The following RBFOX1 variants were observed in gnomAD, a reference collection of about 807,000 sequenced individuals.
The protein encoded by RBFOX1 is RNA binding protein fox-1 homolog 1.
A neutral mutation model predicts 57.7 loss-of-function variants in RBFOX1; 8 were observed. The observed-to-expected ratio is 0.14, with a 90% confidence interval of 0.08 to 0.25. The LOEUF (loss-of-function observed/expected upper bound fraction) is 0.25. Among genes scored for constraint, RBFOX1 ranks in the 10% least tolerant of loss-of-function variants. The pLI, the probability that RBFOX1 is intolerant of heterozygous loss-of-function variation, is 1.00. For missense variants in RBFOX1, 611 were observed against 548.5 expected, an observed-to-expected ratio of 1.11 and a Z score of -1.14; for synonymous variants, 326 against 222.4, an observed-to-expected ratio of 1.47 and a Z score of -4.15.
At chr16:5,272,632 A>T (rs964949399) in intron 1 of RBFOX1, among the ~76,000 whole-genome samples, 1 of 152,192 alleles carries the variant, frequency 6.6e-6, no homozygotes. Context: ...CAACACTTAC[A>T]GCAAGAATTA....
At chr16:7,708,611 C>T (rs1225936630) in intron 14 of RBFOX1, among the ~76,000 whole-genome samples, 1 of 152,182 alleles carries the variant, frequency 6.6e-6, no homozygotes, top group Non-Finnish European at 1.5e-5. Context: ...AGGTTCACTT[C>T]ACCCTTTCTG....
intron 3 of RBFOX1, among the ~76,000 whole-genome samples, chr16:6,864,958 A>G (rs2059641318): frequency 6.7e-6 from 1 of 150,168 alleles, no homozygotes; most frequent in African/African-American, 2.5e-5. Flanking sequence ...CCTGTTCCTC[A>G]ATCCCAGTGC....
chr16:7,203,920 C>T (rs1467809317), intron 4 of RBFOX1, among the ~76,000 whole-genome samples: 4 of 152,222 alleles, frequency 2.6e-5, no homozygotes, highest in South Asian at 2.1e-4. Flanking sequence ...GACAGGTGCA[C>T]ATTTACATAT....
chr16:5,972,304 C>T (rs1239920668), intron 4 of RBFOX1, among the ~76,000 whole-genome samples: 2 of 152,172 alleles, frequency 1.3e-5, no homozygotes, highest in Non-Finnish European at 2.9e-5. Context: ...ATGTTATTTC[C>T]ATAGGCTACA....
intron 2 of RBFOX1, among the ~76,000 whole-genome samples, chr16:5,551,218 A>C (rs2045451398): frequency 6.6e-6 from 1 of 152,292 alleles, no homozygotes; most frequent in African/African-American, 2.4e-5. Context: ...TCCAGCAAGC[A>C]CTTTCCTTCC....
At chr16:6,995,960 C>G (rs549042393) in intron 3 of RBFOX1, among the ~76,000 whole-genome samples, 3 of 152,282 alleles carry the variant, frequency 2.0e-5, no homozygotes, top group South Asian at 2.1e-4. Flanking sequence ...CTGAAACTTT[C>G]TAGTCCCTAA....
At chr16:6,779,741 T>A (rs202223885) in intron 3 of RBFOX1, among the ~76,000 whole-genome samples, 8 of 45,216 alleles carry the variant, frequency 1.8e-4, no homozygotes, top group African/African-American at 5.7e-4. Flanking sequence ...TTTTATATAT[T>A]TTTATATATA....
chr16:7,310,417 G>A (rs572311601), intron 4 of RBFOX1, among the ~76,000 whole-genome samples: 2 of 152,314 alleles, frequency 1.3e-5, no homozygotes, highest in Admixed American at 1.3e-4. Flanking sequence ...TGGAACCAGG[G>A]TTGGTGGGGA....
rs201092743 is a variant in RBFOX1, at chr16:7,298,285, G to GTTTTTTTTTTTT, written c.28-219852_28-219841dup. Among the ~76,000 whole-genome samples the GTTTTTTTTTTTT allele has an allele frequency of 2.3e-3, 221 of 96,498 alleles. 1 individual carries two copies. The highest frequency in any genetic ancestry group is 9.4e-3 in the Middle Eastern group (1 of 106). The allele number at this position is 96,498 out of a possible 152,430, so 63.3% of individuals were successfully genotyped here. A position where few individuals can be genotyped will look rare whatever the true frequency, so the allele number is the denominator to read the frequency against. On this transcript the variant is annotated intron_variant, in intron 4 of 15. Transcript: ENST00000550418. ...AAAATTTGTGTATAGGTTTTTTTTT[G>GTTTTTTTTTTTT]TTTTTTTTTTTTTTTTTTTTTGAGA...
chr16:6,431,920 T>TAG (rs2094108006), intron 2 of RBFOX1, among the ~76,000 whole-genome samples: 1 of 108,846 alleles, frequency 9.2e-6, no homozygotes, highest in Admixed American at 9.4e-5. Flanking sequence ...TTTCTTTCTT[T>TAG]CTTTCTTTCT....
intron 2 of RBFOX1, among the ~76,000 whole-genome samples, chr16:6,465,087 C>G (rs1262252026): frequency 6.6e-6 from 1 of 152,226 alleles, no homozygotes; most frequent in Non-Finnish European, 1.5e-5. Flanking sequence ...GCCCTGGACA[C>G]AAATGTGTAA....
At chr16:6,949,218 A>G (rs908323591) in intron 3 of RBFOX1, among the ~76,000 whole-genome samples, 1 of 152,216 alleles carries the variant, frequency 6.6e-6, no homozygotes, top group Non-Finnish European at 1.5e-5. Flanking sequence ...TCCAGGATAT[A>G]GAAACAAGCC....
At chr16:5,800,281 G>C (rs2055015407) in intron 3 of RBFOX1, among the ~76,000 whole-genome samples, 1 of 152,146 alleles carries the variant, frequency 6.6e-6, no homozygotes, top group African/African-American at 2.4e-5. Flanking sequence ...TAGCAGAGGA[G>C]ACTGGACCCC....
chr16:7,472,962 C>A (rs575831761), intron 4 of RBFOX1, among the ~76,000 whole-genome samples: 17 of 152,208 alleles, frequency 1.1e-4, no homozygotes, highest in Non-Finnish European at 2.2e-4. Context: ...TTGGCTATGC[C>A]TTTCATAGGC....
At chr16:5,291,211 G>C (rs568750990) in intron 1 of RBFOX1, among the ~76,000 whole-genome samples, 1 of 152,106 alleles carries the variant, frequency 6.6e-6, no homozygotes, top group African/African-American at 2.4e-5. Flanking sequence ...GGCTGATGTA[G>C]GGATGGACTG....
chr16:5,430,677 A>AT (rs1328839766), intron 1 of RBFOX1, among the ~76,000 whole-genome samples: 3 of 152,220 alleles, frequency 2.0e-5, no homozygotes, highest in Non-Finnish European at 2.9e-5. Context: ...TGGTCAAGGT[A>AT]TTTTTAGGTG....
At chr16:7,203,646 C>G (rs1234663225) in intron 4 of RBFOX1, among the ~76,000 whole-genome samples, 1 of 152,228 alleles carries the variant, frequency 6.6e-6, no homozygotes, top group Non-Finnish European at 1.5e-5. Context: ...ATGCTTCTCA[C>G]AGCTCAGATA....
At chr16:7,002,609 G>C (rs531942654) in intron 3 of RBFOX1, among the ~76,000 whole-genome samples, 1 of 152,150 alleles carries the variant, frequency 6.6e-6, no homozygotes, top group East Asian at 1.9e-4. Context: ...CCACTCGGGA[G>C]GCTGAGGCAG....
intron 4 of RBFOX1, among the ~76,000 whole-genome samples, chr16:5,982,790 C>T (rs1156980704): frequency 6.6e-6 from 1 of 152,192 alleles, no homozygotes; most frequent in Non-Finnish European, 1.5e-5. Context: ...GGTTACTTCC[C>T]ATTTCTCTCT....
Sources: allele counts gnomAD v4.1 joint callset (sites outside exome capture counted in the v4.1 genomes callset), GRCh38; gene constraint gnomAD v4.1.1; transcripts MANE v1.5; gene names NCBI Gene and HGNC (gene_info 2026-07-23, HGNC 2026-07-21).